Variants in TAF2 observed in about 807,000 individuals in gnomAD.
TAF2 encodes TATA-box binding protein associated factor 2, also known as transcription initiation factor TFIID subunit 2.
TAF2 carries 61 observed loss-of-function variants against 138.5 expected under a neutral mutation model. The observed-to-expected ratio is 0.44, with a 90% CI of 0.36 to 0.54. The LOEUF (loss-of-function observed/expected upper bound fraction) is 0.54, where lower values mean the gene tolerates loss of function less well. Among genes scored for constraint, TAF2 ranks in the 20% least tolerant of loss-of-function variants. TAF2 has a pLI of 0.00. For synonymous variants in TAF2, 475 were observed against 469.9 expected (o/e 1.01, Z -0.14); for missense variants, 1,090 against 1,427.9 (o/e 0.76, Z 3.81).
At position 119,832,696 on chromosome 8, in the gene TAF2, G is replaced by A; in HGVS notation, c.-132C>T. On this transcript the variant is annotated 5_prime_UTR_variant, in exon 1 of 26. Transcript: ENST00000378164. Reference sequence around the variant, plus strand: ...TCTCGCAGCTGGCCGGTGCCCAGGTGAGCGACCTGACGGGTCGCTGCCCGC... The same window carrying A: ...TCTCGCAGCTGGCCGGTGCCCAGGTAAGCGACCTGACGGGTCGCTGCCCGC... 2 of 779,538 alleles carry A rather than the reference G, an allele frequency of 2.6e-6. No homozygotes were observed. Among genetic ancestry groups the A allele is most frequent in the South Asian group, 2.0e-5 (1 of 50,178 alleles). The allele number at this position is 779,538 out of a possible 1,614,324, so 48.3% of individuals were successfully genotyped here. A position where few individuals can be genotyped will look rare whatever the true frequency, so the allele number is the denominator to read the frequency against.
chr8:119,758,420 C>T (rs1418786111), intron 20 of TAF2, among the ~76,000 whole-genome samples: 1 of 152,034 alleles, frequency 6.6e-6, no homozygotes, highest in Non-Finnish European at 1.5e-5. Flanking sequence ...TAACATAAAG[C>T]AAGTTGTAAT....
rs1824683532 is a variant in TAF2, at chr8:119,806,730, A to G, written c.300-329T>C. On this transcript the variant is annotated intron_variant, in intron 3 of 25. Coordinates refer to ENST00000378164, the MANE Select transcript of TAF2 (RefSeq NM_003184.4). ...TGATCCATTCACCTTGGCCTCCCAA[A>G]GTGCTGGGATTACAGGCATGAGCCA... Among the ~76,000 whole-genome samples the G allele has an allele frequency of 2.6e-5, 4 of 152,124 alleles. No individual in the cohort carries two copies. The South Asian group carries it at 8.3e-4, about 31-fold the overall frequency.
chr8:119,801,061 CTCTG>C (rs1268350176), intron 6 of TAF2, among the ~76,000 whole-genome samples: 3 of 152,170 alleles, frequency 2.0e-5, no homozygotes, highest in Non-Finnish European at 4.4e-5. Context: ...AGGTTTCTAA[CTCTG>C]TCTGTTTTCC....
chr8:119,822,060 A>C (rs1222753818), intron 2 of TAF2, among the ~76,000 whole-genome samples: 4 of 152,026 alleles, frequency 2.6e-5, no homozygotes, highest in Non-Finnish European at 4.4e-5. Flanking sequence ...GAAAACACTT[A>C]AAATTATAGC....
At chr8:119,803,731 T>C in intron 5 of TAF2, 147 bp downstream of exon 5, 1 of 826,936 alleles carries the variant, frequency 1.2e-6, no homozygotes, top group Non-Finnish European at 1.8e-6. Flanking sequence ...TTAAGAGGAA[T>C]GACTAACAGA....
chr8:119,740,209 T>C (rs1303628763), intron 25 of TAF2, among the ~76,000 whole-genome samples: 1 of 152,146 alleles, frequency 6.6e-6, no homozygotes, highest in Admixed American at 6.6e-5. Context: ...AGGCTAAAGT[T>C]ATGCTTCCCA....
chr8:119,764,974 A>G (rs1246174025), intron 18 of TAF2, among the ~76,000 whole-genome samples: 1 of 152,226 alleles, frequency 6.6e-6, no homozygotes, highest in African/African-American at 2.4e-5. Flanking sequence ...CGTATTTTAA[A>G]TCCAGAAGAC....
chr8:119,789,769 T>G, intron 11 of TAF2, 23 bp from the exon 12 acceptor site: 1 of 1,605,410 alleles, frequency 6.2e-7, no homozygotes, highest in Non-Finnish European at 8.5e-7. Context: ...AATCATTTAG[T>G]AAATTCATAT....
intron 22 of TAF2, among the ~76,000 whole-genome samples, chr8:119,747,993 G>A (rs986627784): frequency 6.6e-6 from 1 of 152,086 alleles, no homozygotes; most frequent in Non-Finnish European, 1.5e-5. Flanking sequence ...GTGTGGTGGT[G>A]CATGACTGTA....
chr8:119,740,332 T>C (rs16893077), intron 25 of TAF2, among the ~76,000 whole-genome samples: 41,178 of 151,704 alleles, frequency 0.27, 6,844 homozygotes, highest in Admixed American at 0.46. Flanking sequence ...AAAGCTTTTG[T>C]TGGCTAGTTT....
chr8:119,790,568 GA>G (rs1011936967), intron 11 of TAF2, among the ~76,000 whole-genome samples: 2 of 151,780 alleles, frequency 1.3e-5, no homozygotes, highest in East Asian at 1.9e-4. Context: ...TGTTAACAAT[GA>G]AAAAAAATGG....
chr8:119,739,483 T>C (rs1407212716), intron 25 of TAF2, among the ~76,000 whole-genome samples: 2 of 151,988 alleles, frequency 1.3e-5, no homozygotes, highest in East Asian at 3.8e-4. Context: ...TACTATCAAA[T>C]GCAAGGAAAG....
At chr8:119,823,446 G>C (rs1453325667) in intron 2 of TAF2, among the ~76,000 whole-genome samples, 1 of 152,106 alleles carries the variant, frequency 6.6e-6, no homozygotes, top group African/African-American at 2.4e-5. Flanking sequence ...CATGAAATCT[G>C]ATGGTTTGAA....
At chr8:119,819,076 T>TA (rs1032179839) in intron 3 of TAF2, among the ~76,000 whole-genome samples, 4 of 151,670 alleles carry the variant, frequency 2.6e-5, no homozygotes, top group African/African-American at 9.7e-5. Flanking sequence ...ACACTGAAAG[T>TA]AAAAAAAATG....
intron 17 of TAF2, among the ~76,000 whole-genome samples, chr8:119,779,076 G>T (rs979492678): frequency 3.3e-5 from 5 of 152,096 alleles, no homozygotes; most frequent in Admixed American, 6.6e-5. Flanking sequence ...AGAAATACCT[G>T]TCTTATGCCT....
intron 17 of TAF2, 58 bp from the exon 18 acceptor site, chr8:119,778,187 A>AT: frequency 9.8e-7 from 1 of 1,023,686 alleles, no homozygotes; most frequent in Non-Finnish European, 1.5e-6. Flanking sequence ...TGTTACTACA[A>AT]TTCATTGAAC....
At position 119,757,930 on chromosome 8, in the gene TAF2, A is replaced by T. The variant is rs138173820; in HGVS notation, c.2768+143T>A. On this transcript the variant is annotated intron_variant, in intron 21 of 25. Coordinates refer to ENST00000378164, the MANE Select transcript of TAF2 (RefSeq NM_003184.4). ...ACAAATAACTTTTATGTTGAAAATC[A>T]AATTTAAAAAGGACATGAATAAATG... 2,819 of 759,296 alleles carry T rather than the reference A, an allele frequency of 3.7e-3. 16 individuals carry two copies. The highest frequency in any genetic ancestry group is 9.4e-3 in the Admixed American group (407 of 43,272). 47.0% of individuals were successfully genotyped at this position (759,296 alleles called of 1,614,324 possible). A position where few individuals can be genotyped will look rare whatever the true frequency, so the allele number is the denominator to read the frequency against.
At chr8:119,758,200 T>C in intron 20 of TAF2, 58 bp from the exon 21 acceptor site, 1 of 1,404,124 alleles carries the variant, frequency 7.1e-7, no homozygotes, top group Middle Eastern at 2.2e-4. Flanking sequence ...TAATGAATAA[T>C]GAGTGACAAG....
rs140147849 is a variant in TAF2 at position 119,827,349 on chromosome 8, A to G, written c.138+4328T>C. On this transcript the variant is annotated intron_variant, in intron 2 of 25. Coordinates refer to ENST00000378164, the MANE Select transcript of TAF2 (RefSeq NM_003184.4). ...ACAACTGTATATCAAAGGCTCCCAA[A>G]TTTCTCTCACCATCCTTTATCTGCA... 3.1e-3 allele frequency among the ~76,000 whole-genome samples: 468 copies of G among 152,212 alleles called. 2 individuals carry two copies. The highest frequency in any genetic ancestry group is 0.011 in the African/African-American group (440 of 41,522).
Sources: allele counts gnomAD v4.1 joint callset (sites outside exome capture counted in the v4.1 genomes callset), GRCh38; gene constraint gnomAD v4.1.1; transcripts MANE v1.5; gene names NCBI Gene and HGNC (gene_info 2026-07-23, HGNC 2026-07-21).